Variants in EYS observed in about 807,000 individuals in gnomAD.
EYS encodes the protein EGF-like photoreceptor maintenance factor.
A neutral mutation model predicts 282.1 loss-of-function variants in EYS; 250 were observed. The observed-to-expected ratio is 0.89, with a 90% confidence interval of 0.80 to 0.98. EYS has a LOEUF of 0.98. EYS is among the 50% of genes least tolerant of loss of function. The pLI is 0.00. For synonymous variants in EYS, 1,355 were observed against 1,282.9 expected (o/e 1.06, Z -1.20); for missense variants, 4,016 against 3,709.0 (o/e 1.08, Z -2.15).
intron 31 of EYS, among the ~76,000 whole-genome samples, chr6:64,187,828 T>C (rs4367356): frequency 0.34 from 47,151 of 137,866 alleles, 7,372 homozygotes; most frequent in East Asian, 0.51. Context: ...ATTAGACAGA[T>C]TTTTTTTTTA....
In EYS at chr6:65,317,777, T is replaced by TTCCTTCCTTCCTTCCTTCCTTCCTTC. The variant is rs1769333110; in HGVS notation, c.1766+17202_1766+17203insGAAGGAAGGAAGGAAGGAAGGAAGGA. 5.2e-4 allele frequency among the ~76,000 whole-genome samples: 30 copies of TTCCTTCCTTCCTTCCTTCCTTCCTTC among 57,448 alleles called. 3 individuals are homozygous for TTCCTTCCTTCCTTCCTTCCTTCCTTC. The highest frequency in any genetic ancestry group is 6.7e-4 in the Non-Finnish European group (17 of 25,492). The allele number at this position is 57,448 out of a possible 152,430, so 37.7% of individuals were successfully genotyped here. A position where few individuals can be genotyped will look rare whatever the true frequency, so the allele number is the denominator to read the frequency against. On this transcript the variant is annotated intron_variant, in intron 11 of 42. Transcript: ENST00000503581. ...GCTCTTGGCTGGAGGCTACATTTTC[T>TTCCTTCCTTCCTTCCTTCCTTCCTTC]CTTCCTTCCTTCCTTCCTTCCTTCC... is the stretch of plus-strand genomic sequence containing the variant.
chr6:64,794,878 A>G (rs760978650), intron 22 of EYS, among the ~76,000 whole-genome samples: 9 of 152,134 alleles, frequency 5.9e-5, no homozygotes, highest in Non-Finnish European at 1.0e-4. Context: ...ACACAGGCAC[A>G]CTGCCCAATG....
intron 13 of EYS, among the ~76,000 whole-genome samples, chr6:65,018,274 G>A (rs979174396): frequency 2.6e-5 from 4 of 152,112 alleles, no homozygotes; most frequent in African/African-American, 9.7e-5. Flanking sequence ...GTCTTGGCAG[G>A]GTTGGTTCCT....
intron 30 of EYS, 34 bp downstream of exon 30, chr6:64,306,936 C>T (rs919615708): frequency 2.1e-6 from 2 of 972,932 alleles, no homozygotes; most frequent in Non-Finnish European, 3.2e-6. Context: ...GTTATTTGAA[C>T]AAGTTATTAG....
chr6:63,873,295 T>G (rs1772865681), intron 35 of EYS, among the ~76,000 whole-genome samples: 4 of 152,130 alleles, frequency 2.6e-5, no homozygotes, highest in Non-Finnish European at 5.9e-5. Context: ...GAATGATGAT[T>G]TCCAGCTTCA....
At position 65,048,208 on chromosome 6, in the gene EYS, C is replaced by T. The variant is rs375764479; in HGVS notation, c.2137+9406G>A. Among the ~76,000 whole-genome samples, 5 of 151,846 alleles carry T rather than the reference C, an allele frequency of 3.3e-5. No homozygotes were observed. The South Asian group carries it at 6.2e-4, about 19-fold the overall frequency. On this transcript the variant is annotated intron_variant, in intron 13 of 42. Coordinates refer to ENST00000503581, the MANE Select transcript of EYS (RefSeq NM_001142800.2). ...AGCCTCGTTTCTCCTTACCACTTTT[C>T]TACCAAATATTTTCAAGAAGGAATC...
intron 35 of EYS, among the ~76,000 whole-genome samples, chr6:63,936,253 G>T (rs1765053336): frequency 6.6e-6 from 1 of 152,128 alleles, no homozygotes; most frequent in East Asian, 1.9e-4. Flanking sequence ...CTGATTGCTG[G>T]CGGATAGGTA....
intron 22 of EYS, among the ~76,000 whole-genome samples, chr6:64,683,224 G>A (rs1769968150): frequency 6.6e-6 from 1 of 152,024 alleles, no homozygotes; most frequent in Non-Finnish European, 1.5e-5. Context: ...TTTTAAACAT[G>A]GAAAGAAATA....
At chr6:64,232,518 T>C (rs111476659) in intron 30 of EYS, among the ~76,000 whole-genome samples, 1,716 of 152,160 alleles carry the variant, frequency 0.011, 31 homozygotes, top group African/African-American at 0.038. Flanking sequence ...GCTTCCCGAG[T>C]AGCTGGGATT....
chr6:64,651,473 A>C (rs1768559265), intron 22 of EYS, among the ~76,000 whole-genome samples: 1 of 152,184 alleles, frequency 6.6e-6, no homozygotes, highest in African/African-American at 2.4e-5. Context: ...AAGATAATAA[A>C]GTAAAATAAA....
chr6:65,043,848 A>G (rs1302725213), intron 13 of EYS, among the ~76,000 whole-genome samples: 1 of 151,692 alleles, frequency 6.6e-6, no homozygotes, highest in Non-Finnish European at 1.5e-5. Flanking sequence ...TGATGTGGGC[A>G]TGCAAATATC....
chr6:64,909,711 A>C (rs1767934661), intron 16 of EYS, among the ~76,000 whole-genome samples: 1 of 151,978 alleles, frequency 6.6e-6, no homozygotes, highest in Non-Finnish European at 1.5e-5. Flanking sequence ...AACTATACCG[A>C]TAATTTTTTA....
intron 29 of EYS, among the ~76,000 whole-genome samples, chr6:64,337,296 A>G (rs1448269217): frequency 6.6e-6 from 1 of 152,072 alleles, no homozygotes; most frequent in African/African-American, 2.4e-5. Context: ...GAAATGGGAG[A>G]TACTACAACA....
rs35672727 is a variant in EYS, at chr6:64,965,953, A to AGT, written c.2260-20041_2260-20040dup. On this transcript the variant is annotated intron_variant, in intron 14 of 42. Coordinates refer to ENST00000503581, the MANE Select transcript of EYS (RefSeq NM_001142800.2). Reference sequence around the variant, plus strand: ...TGCCTAATAGCTGCTGAAAATTGTGAGTGTGTGTGTGTGTGTGTGTGTGTG... The same window carrying AGT: ...TGCCTAATAGCTGCTGAAAATTGTGAGTGTGTGTGTGTGTGTGTGTGTGTGTG... 1.5e-3 allele frequency among the ~76,000 whole-genome samples: 221 copies of AGT among 147,602 alleles called. 1 individual carries two copies. The highest frequency in any genetic ancestry group is 9.8e-3 in the East Asian group (48 of 4,906).
At chr6:63,972,252 G>C (rs1766611885) in intron 35 of EYS, among the ~76,000 whole-genome samples, 1 of 152,234 alleles carries the variant, frequency 6.6e-6, no homozygotes, top group East Asian at 1.9e-4. Flanking sequence ...ATTTGTCTTA[G>C]AGAAATTTCT....
At chr6:63,757,087 G>A (rs572483789) in intron 41 of EYS, among the ~76,000 whole-genome samples, 8 of 152,214 alleles carry the variant, frequency 5.3e-5, no homozygotes, top group East Asian at 3.9e-4. Flanking sequence ...TGCAGGGTCC[G>A]GCAGAATAGA....
chr6:64,202,798 A>C (rs1480363049), intron 31 of EYS, among the ~76,000 whole-genome samples: 1 of 152,188 alleles, frequency 6.6e-6, no homozygotes, highest in African/African-American at 2.4e-5. Context: ...GGTGATGTGA[A>C]GATGAAGGCA....
chr6:65,522,667 T>G (rs1168223974), intron 2 of EYS, among the ~76,000 whole-genome samples: 1 of 152,226 alleles, frequency 6.6e-6, no homozygotes, highest in Non-Finnish European at 1.5e-5. Context: ...ATGCTAATTT[T>G]TATTATGTAT....
At chr6:64,609,912 T>C (rs893004654) in intron 24 of EYS, among the ~76,000 whole-genome samples, 10 of 150,586 alleles carry the variant, frequency 6.6e-5, no homozygotes, top group Non-Finnish European at 1.2e-4. Flanking sequence ...TTATATAATA[T>C]ATTAACTATA....
Sources: allele counts gnomAD v4.1 joint callset (sites outside exome capture counted in the v4.1 genomes callset), GRCh38; gene constraint gnomAD v4.1.1; transcripts MANE v1.5; gene names NCBI Gene and HGNC (gene_info 2026-07-23, HGNC 2026-07-21).